Variants in SYT9 observed in about 807,000 individuals in gnomAD.
SYT9 encodes synaptotagmin 9.
Under a neutral mutation model 48.4 loss-of-function variants are expected in SYT9, and 22 were observed. That is an observed-to-expected ratio of 0.45 (90% confidence interval 0.32 to 0.65). The LOEUF (loss-of-function observed/expected upper bound fraction) is 0.65, where lower values mean the gene tolerates loss of function less well. SYT9 is among the 30% of genes least tolerant of loss of function. The pLI, the probability that SYT9 is intolerant of heterozygous loss-of-function variation, is 0.03. For synonymous variants in SYT9, 265 were observed against 245.0 expected (o/e 1.08, Z -0.76); for missense variants, 577 against 622.0 (o/e 0.93, Z 0.77).
chr11:7,372,804 T>A (rs1306953722), intron 3 of SYT9, among the ~76,000 whole-genome samples: 4 of 152,176 alleles, frequency 2.6e-5, no homozygotes, highest in African/African-American at 9.7e-5. Context: ...TTTGCTGTAA[T>A]TTTACCTTTT....
intron 3 of SYT9, among the ~76,000 whole-genome samples, chr11:7,382,494 G>T (rs2134047721): frequency 6.6e-6 from 1 of 152,166 alleles, no homozygotes; most frequent in African/African-American, 2.4e-5. Context: ...AGCAAGGGAG[G>T]AAAAATTAGC....
intron 3 of SYT9, among the ~76,000 whole-genome samples, chr11:7,337,409 G>C (rs554903816): frequency 2.0e-4 from 30 of 152,180 alleles, no homozygotes; most frequent in African/African-American, 7.0e-4. Flanking sequence ...ATGTTGAATA[G>C]AAGTGGTGAG....
chr11:7,274,340 CAG>C lies in SYT9; in HGVS notation c.145+22012_145+22013del, dbSNP rs1435925557. Among the ~76,000 whole-genome samples, 13 of 113,630 alleles carry C rather than the reference CAG, an allele frequency of 1.1e-4. 1 individual carries two copies. The East Asian group carries it at 1.7e-3, about 15-fold the overall frequency. The allele number at this position is 113,630 out of a possible 152,430, so 74.5% of individuals were successfully genotyped here. A position where few individuals can be genotyped will look rare whatever the true frequency, so the allele number is the denominator to read the frequency against. On this transcript the variant is annotated intron_variant, in intron 1 of 6. Transcript: ENST00000318881. ...ATCTTTTTTTTTTTTTTTTTTTTGA[CAG>C]AGTCTTACTCTGTTGCCTAGGCTGC... is the stretch of plus-strand genomic sequence containing the variant.
At chr11:7,430,326 C>G (rs1408752934) in intron 6 of SYT9, among the ~76,000 whole-genome samples, 1 of 152,070 alleles carries the variant, frequency 6.6e-6, no homozygotes, top group Non-Finnish European at 1.5e-5. Context: ...GGGAACTTTA[C>G]CATTCATTGA....
rs1847902189 is a variant in SYT9 at position 7,252,959 on chromosome 11, C to G, written c.145+628C>G. On this transcript the variant is annotated intron_variant, in intron 1 of 6. Transcript: ENST00000318881. This position sits in a 1 kb window ranked among gnomAD's most constrained non-coding sequence, Gnocchi z 6.3. ...GTGGCCTGGGCCTGGGCGCTAGGCT[C>G]GACCAGCGACTACCGCCGGCCACGA... Among the ~76,000 whole-genome samples, 1 of 152,212 alleles carries G rather than the reference C, an allele frequency of 6.6e-6. No homozygotes were observed. The highest frequency in any genetic ancestry group is 2.4e-5 in the African/African-American group (1 of 41,452).
intron 1 of SYT9, among the ~76,000 whole-genome samples, chr11:7,279,372 A>G (rs948930162): frequency 6.6e-6 from 1 of 152,206 alleles, no homozygotes; most frequent in Non-Finnish European, 1.5e-5. Flanking sequence ...TTGAGAACAA[A>G]AAAACTGACT....
chr11:7,384,426 T>G (rs1850619918), intron 3 of SYT9, among the ~76,000 whole-genome samples: 1 of 152,234 alleles, frequency 6.6e-6, no homozygotes, highest in South Asian at 2.1e-4. Flanking sequence ...AAATGGGTGT[T>G]AATGGCAATT....
intron 3 of SYT9, among the ~76,000 whole-genome samples, chr11:7,348,392 C>A (rs1668533062): frequency 6.6e-6 from 1 of 152,212 alleles, no homozygotes; most frequent in African/African-American, 2.4e-5. Context: ...TCATTTCCAT[C>A]ATTTCGGGTC....
Position 7,416,022 on chromosome 11 carries a change from A to G in SYT9, c.1045-20A>G, listed in dbSNP as rs777828569. 2 of 1,613,886 alleles carry G rather than the reference A, an allele frequency of 1.2e-6. No individual in the cohort carries two copies. Among genetic ancestry groups the G allele is most frequent in the Non-Finnish European group, 1.7e-6 (2 of 1,179,946 alleles). On this transcript the variant is annotated intron_variant, in intron 3 of 6. Transcript: ENST00000318881. The stretch of plus-strand genomic sequence containing the variant: ...GGCTGGAGACACTTTCTAATACTTT[A>G]GTTTGTGCTTTCTCAACAGGACAAC...
chr11:7,357,941 T>C (rs11041329), intron 3 of SYT9, among the ~76,000 whole-genome samples: 43,125 of 152,038 alleles, frequency 0.28, 6,737 homozygotes, highest in Non-Finnish European at 0.36. Flanking sequence ...CATTAAGTCA[T>C]TCAAAAATAT....
At chr11:7,315,397 C>T (rs985773004) in intron 3 of SYT9, among the ~76,000 whole-genome samples, 1 of 152,192 alleles carries the variant, frequency 6.6e-6, no homozygotes, top group Non-Finnish European at 1.5e-5. Context: ...GCATCACCCC[C>T]CACTGGGGTA....
chr11:7,432,543 A>C (rs184470596), intron 6 of SYT9, among the ~76,000 whole-genome samples: 2 of 101,438 alleles, frequency 2.0e-5, no homozygotes, highest in African/African-American at 3.9e-5. Context: ...GTGAGACTCC[A>C]TCTCAAAAAA....
chr11:7,303,284 C>G lies in SYT9; in HGVS notation c.391C>G (p.His131Asp). 1 of 1,614,132 alleles carries G rather than the reference C, an allele frequency of 6.2e-7. No individual in the cohort carries two copies. Among genetic ancestry groups the G allele is most frequent in the Non-Finnish European group, 8.5e-7 (1 of 1,180,040 alleles). ...PCPDSSMKIS[H>D]TSPDIPLSTQ... ...CCCTGACTCCTCCATGAAGATCAGC[C>G]ACACCTCCCCTGACATTCCCCTCTC... is the stretch of plus-strand genomic sequence containing the variant. The change falls in exon 2 of 7, where the codon CAC becomes GAC. Residue 131 changes from histidine to aspartate, a missense_variant. By Grantham distance (81) the His-to-Asp change is moderately conservative. Transcript: ENST00000318881.
chr11:7,299,583 C>T (rs1360954955), intron 1 of SYT9, among the ~76,000 whole-genome samples: 6 of 152,178 alleles, frequency 3.9e-5, no homozygotes, highest in African/African-American at 1.4e-4. Context: ...CTGGTGCCCC[C>T]TAGAGTTTAC....
At chr11:7,253,880 C>A (rs1055051464) in intron 1 of SYT9, among the ~76,000 whole-genome samples, 7 of 152,174 alleles carry the variant, frequency 4.6e-5, no homozygotes, top group African/African-American at 1.7e-4. Context: ...GCATGCTTTG[C>A]CCAAAGCAAG....
At chr11:7,290,046 G>A (rs76985708) in intron 1 of SYT9, among the ~76,000 whole-genome samples, 2,671 of 152,304 alleles carry the variant, frequency 0.018, 65 homozygotes, top group African/African-American at 0.062. Context: ...GTGATCTGGG[G>A]TGTAGAGGTG....
intron 6 of SYT9, chr11:7,437,623 G>GT (rs1847736028): frequency 6.6e-6 from 1 of 151,644 alleles, no homozygotes; most frequent in East Asian, 1.9e-4. Flanking sequence ...ACCCTCTAGA[G>GT]TGATTTTTTT....
intron 3 of SYT9, among the ~76,000 whole-genome samples, chr11:7,315,530 A>G (rs1260466390): frequency 1.3e-5 from 2 of 152,214 alleles, no homozygotes; most frequent in South Asian, 2.1e-4. Context: ...TGAGACATCA[A>G]TTTATACTTT....
intron 1 of SYT9, among the ~76,000 whole-genome samples, chr11:7,243,730 G>A (rs1847764273): frequency 6.6e-6 from 1 of 152,170 alleles, no homozygotes; most frequent in Non-Finnish European, 1.5e-5. Context: ...TGGGCAATGA[G>A]GAAAGGGGTT....
Sources: allele counts gnomAD v4.1 joint callset (sites outside exome capture counted in the v4.1 genomes callset), GRCh38; gene constraint gnomAD v4.1.1; non-coding constraint Gnocchi (gnomAD v3.1); transcripts MANE v1.5; gene names NCBI Gene and HGNC (gene_info 2026-07-23, HGNC 2026-07-21).